Variants in HACE1 observed in about 807,000 individuals in gnomAD.
HACE1 encodes the protein HECT domain and ankyrin repeat containing E3 ubiquitin protein ligase 1.
HACE1 carries 73 observed loss-of-function variants against 118.4 expected under a neutral mutation model. The ratio of observed to expected loss-of-function variants is 0.62; its 90% confidence interval spans 0.51 to 0.75. HACE1 has a LOEUF of 0.75. HACE1 is among the 30% of genes least tolerant of loss of function. HACE1 has a pLI of 0.00. For synonymous variants in HACE1, 368 were observed against 374.8 expected, an observed-to-expected ratio of 0.98 and a Z score of 0.21; for missense variants, 749 against 1,102.2, an observed-to-expected ratio of 0.68 and a Z score of 4.54.
In HACE1 at chr6:104,776,778, G is replaced by A. The variant is rs747918832; in HGVS notation, c.1827C>T (p.Val609=). 2.5e-6 allele frequency: 4 copies of A among 1,609,982 alleles called. No homozygotes were observed. The African/African-American group carries it at 4.0e-5, about 16-fold the overall frequency. The part of the protein sequence containing the change: ...EWFDILSNEI[V]NPDYALFTQS... ...GGGTAAACAATGCATAATCAGGATT[G>A]ACTATCTCATTGGACAGAATATCAA... The change falls in exon 17 of 24, where the codon GTC becomes GTT. Residue 609 remains valine (V), a synonymous_variant. Coordinates refer to ENST00000262903, the MANE Select transcript of HACE1 (RefSeq NM_020771.4).
intron 11 of HACE1, among the ~76,000 whole-genome samples, chr6:104,788,880 T>G (rs1363710464): frequency 1.3e-5 from 2 of 152,116 alleles, no homozygotes; most frequent in Non-Finnish European, 2.9e-5. Flanking sequence ...TAACAGGATG[T>G]TAAACAATTT....
chr6:104,831,968 GAGAAGAGAAGAGA>G (rs1773971039), intron 6 of HACE1, among the ~76,000 whole-genome samples: 2 of 78,376 alleles, frequency 2.6e-5, no homozygotes, highest in African/African-American at 1.4e-4. Context: ...GAGAAGAGAA[GAGAAGAGAAGAGA>G]GGAAGGAAGG....
At chr6:104,751,486 G>C (rs1390417168) in intron 19 of HACE1, among the ~76,000 whole-genome samples, 1 of 152,092 alleles carries the variant, frequency 6.6e-6, no homozygotes, top group Non-Finnish European at 1.5e-5. Context: ...AATAAGCAGA[G>C]GGCATGGTGG....
intron 22 of HACE1, among the ~76,000 whole-genome samples, chr6:104,740,843 C>T (rs1249135152): frequency 7.6e-6 from 1 of 131,282 alleles, no homozygotes; most frequent in South Asian, 2.5e-4. Flanking sequence ...CAAAGCCAGG[C>T]AGAGACACAA....
intron 7 of HACE1, among the ~76,000 whole-genome samples, chr6:104,803,538 T>C (rs550721284): frequency 2.9e-4 from 44 of 152,300 alleles, no homozygotes; most frequent in Admixed American, 9.8e-4. Flanking sequence ...GCTTCATCCC[T>C]GGGATGCAAG....
intron 11 of HACE1, 68 bp from the exon 12 acceptor site, chr6:104,785,387 A>C (rs1388293544): frequency 3.5e-6 from 3 of 861,832 alleles, no homozygotes; most frequent in Non-Finnish European, 3.7e-6. Context: ...AAAAAACAAA[A>C]CACAACTAGA....
chr6:104,793,289 A>T (rs994666992), intron 10 of HACE1, among the ~76,000 whole-genome samples: 1 of 147,120 alleles, frequency 6.8e-6, no homozygotes, highest in Non-Finnish European at 1.5e-5. Context: ...AAAAAAAATT[A>T]ATTTCCTAAC....
intron 5 of HACE1, among the ~76,000 whole-genome samples, chr6:104,833,382 TG>T (rs1774198814): frequency 6.6e-6 from 1 of 152,170 alleles, no homozygotes; most frequent in South Asian, 2.1e-4. Context: ...TTTACAGGTT[TG>T]GGGGTTTTTT....
intron 19 of HACE1, among the ~76,000 whole-genome samples, chr6:104,768,184 G>T (rs893612083): frequency 2.0e-5 from 3 of 151,890 alleles, no homozygotes; most frequent in Non-Finnish European, 2.9e-5. Context: ...ATAAAACTTG[G>T]GAATAAGGGA....
rs1774976098 is a variant in HACE1, at chr6:104,729,503, GAA to G, written c.*157_*158del. 1.5e-6 allele frequency: 1 copy of G among 645,248 alleles called. No homozygotes were observed. Among genetic ancestry groups the G allele is most frequent in the Middle Eastern group, 2.5e-4 (1 of 4,072 alleles). 40.0% of individuals were successfully genotyped at this position (645,248 alleles called of 1,614,324 possible). A position where few individuals can be genotyped will look rare whatever the true frequency, so the allele number is the denominator to read the frequency against. ...TCACAAACAGAGAAAACATAAAAGG[GAA>G]AAGAGAGAAACAGAAAACCTGATGA... On this transcript the variant is annotated 3_prime_UTR_variant, in exon 24 of 24. Transcript: ENST00000262903.
chr6:104,731,079 T>C (rs1020820500), intron 22 of HACE1: 4 of 152,916 alleles, frequency 2.6e-5, no homozygotes, highest in African/African-American at 7.2e-5. Flanking sequence ...GAAAATTTAA[T>C]CTTGGGTACA....
chr6:104,794,431 T>C (rs1431106660), intron 10 of HACE1, among the ~76,000 whole-genome samples: 1 of 152,208 alleles, frequency 6.6e-6, no homozygotes, highest in Non-Finnish European at 1.5e-5. Flanking sequence ...GACCCACTGT[T>C]TTGCATTTTA....
At chr6:104,803,159 G>A (rs7743061) in intron 7 of HACE1, among the ~76,000 whole-genome samples, 25,947 of 152,036 alleles carry the variant, frequency 0.17, 2,371 homozygotes, top group East Asian at 0.2. Flanking sequence ...TTGAATCTCT[G>A]AACACACCAA....
At chr6:104,742,777 G>A (rs371023213) in intron 22 of HACE1, among the ~76,000 whole-genome samples, 12 of 151,966 alleles carry the variant, frequency 7.9e-5, no homozygotes, top group South Asian at 6.2e-4. Context: ...ATCTAGAACT[G>A]GAAATACCAT....
intron 7 of HACE1, among the ~76,000 whole-genome samples, chr6:104,802,094 C>T (rs1360903427): frequency 6.8e-5 from 10 of 147,132 alleles, no homozygotes; most frequent in African/African-American, 2.0e-4. Context: ...AGACGTTAGA[C>T]GAAGGAAGAT....
At chr6:104,734,142 C>CAAAAAAAAAAAAAA (rs11370746) in intron 22 of HACE1, among the ~76,000 whole-genome samples, 2 of 87,174 alleles carry the variant, frequency 2.3e-5, no homozygotes, top group African/African-American at 4.1e-5. Flanking sequence ...GACTCTTCCT[C>CAAAAAAAAAAAAAA]AAAAAAAAAA....
chr6:104,819,468 C>A (rs1291881051), intron 6 of HACE1, among the ~76,000 whole-genome samples: 2 of 152,094 alleles, frequency 1.3e-5, no homozygotes, highest in African/African-American at 4.8e-5. Context: ...CTAACCAAAG[C>A]AATTTATATA....
rs765410158 is a variant in HACE1 at position 104,811,401 on chromosome 6, G to A, written c.535-8C>T. ...TAGCAAGCACTGCACTGTCTGAGGGGGAAAAAATAATTAAAAGTAAAGCCA... is the reference window on the plus strand; with the variant it reads ...TAGCAAGCACTGCACTGTCTGAGGGAGAAAAAATAATTAAAAGTAAAGCCA... On this transcript the variant is annotated splice_polypyrimidine_tract_variant and splice_region_variant and intron_variant, in intron 6 of 23. Transcript: ENST00000262903. The A allele has an allele frequency of 9.5e-6, 13 of 1,366,804 alleles. No individual in the cohort carries two copies. In the Admixed American group the frequency reaches 2.0e-4, roughly 21 times the overall value. The allele number at this position is 1,366,804 out of a possible 1,614,324, so 84.7% of individuals were successfully genotyped here. A position where few individuals can be genotyped will look rare whatever the true frequency, so the allele number is the denominator to read the frequency against.
intron 4 of HACE1, among the ~76,000 whole-genome samples, chr6:104,845,000 T>G (rs1252811530): frequency 6.6e-6 from 1 of 152,082 alleles, no homozygotes; most frequent in Non-Finnish European, 1.5e-5. Context: ...AGTTCACTGG[T>G]AAATAGTCCA....
Sources: allele counts gnomAD v4.1 joint callset (sites outside exome capture counted in the v4.1 genomes callset), GRCh38; gene constraint gnomAD v4.1.1; transcripts MANE v1.5; gene names NCBI Gene and HGNC (gene_info 2026-07-23, HGNC 2026-07-21).